Variants in MGAT3 observed in about 807,000 individuals in gnomAD.
The protein encoded by MGAT3 is beta-1,4-mannosyl-glycoprotein 4-beta-N-acetylglucosaminyltransferase.
A neutral mutation model predicts 29.8 loss-of-function variants in MGAT3; 9 were observed. The observed-to-expected ratio is 0.30, with a 90% CI of 0.18 to 0.53. The LOEUF (loss-of-function observed/expected upper bound fraction) is 0.53. MGAT3 is among the 20% of genes least tolerant of loss of function. MGAT3 has a pLI of 0.96. For missense variants in MGAT3, 557 were observed against 769.5 expected (o/e 0.72, Z 3.27); for synonymous variants, 397 against 348.9 (o/e 1.14, Z -1.54).
chr22:39,489,325 G>T lies in MGAT3; in HGVS notation c.*376G>T. ...GCAGCCTCTGGGGGGTGGCCAGGCC[G>T]GGAAAAAGCCCACCATTTGGCATCC... On this transcript the variant is annotated 3_prime_UTR_variant, in exon 2 of 2. Coordinates refer to ENST00000341184, the MANE Select transcript of MGAT3 (RefSeq NM_002409.5). 3.7e-6 allele frequency: 1 copy of T among 271,930 alleles called. No homozygotes were observed. The highest frequency in any genetic ancestry group is 7.5e-6 in the Non-Finnish European group (1 of 133,912). 16.8% of individuals were successfully genotyped at this position (271,930 alleles called of 1,614,324 possible).
chr22:39,475,128 C>CTT lies in MGAT3; in HGVS notation c.-1-12198_-1-12197dup, dbSNP rs58543840. On this transcript the variant is annotated intron_variant, in intron 1 of 1. Coordinates refer to ENST00000341184, the MANE Select transcript of MGAT3 (RefSeq NM_002409.5). The stretch of plus-strand genomic sequence containing the variant: ...TGAATTCACAGCAGGGCTTGCCAGG[C>CTT]TTTTTTTTTTTTTTTTTTTTTTAAC... 2.3e-3 allele frequency among the ~76,000 whole-genome samples: 279 copies of CTT among 118,762 alleles called. 6 individuals carry two copies. Among genetic ancestry groups the CTT allele is most frequent in the African/African-American group, 9.8e-3 (264 of 27,052 alleles). 77.9% of individuals were successfully genotyped at this position (118,762 alleles called of 152,430 possible).
At position 39,487,748 on chromosome 22, in the gene MGAT3, A is replaced by G; in HGVS notation, c.401A>G (p.Glu134Gly). The change falls in exon 2 of 2, where the codon GAG (glutamate) becomes GGG (glycine). Residue 134 changes from glutamate (E) to glycine (G), a missense_variant. This residue lies in a region of MGAT3 where 212 missense variants were observed against 228.5 expected (regional missense o/e 0.93). Transcript: ENST00000341184. The surrounding 1 kb of genome is among the most constrained non-coding windows in gnomAD (Gnocchi z 5.7). ...GAGAGGCCGCCCCCGGGACGGCCGG[A>G]GGAGAAGCCTGAGGGGGCCAACGGC... ...MLERPPPGRP[E>G]EKPEGANGSS... 6.5e-7 allele frequency: 1 copy of G among 1,532,712 alleles called. No individual in the cohort carries two copies. The highest frequency in any genetic ancestry group is 8.7e-7 in the Non-Finnish European group (1 of 1,142,900). The allele number at this position is 1,532,712 out of a possible 1,614,324, so 94.9% of individuals were successfully genotyped here.
chr22:39,470,856 G>A (rs1928789626), intron 1 of MGAT3, among the ~76,000 whole-genome samples: 1 of 152,194 alleles, frequency 6.6e-6, no homozygotes, highest in Admixed American at 6.5e-5. Context: ...TCACGGAGGA[G>A]GGTTTGGAAA....
chr22:39,469,078 T>G (rs550278820), intron 1 of MGAT3, among the ~76,000 whole-genome samples: 9 of 118,496 alleles, frequency 7.6e-5, no homozygotes, highest in Non-Finnish European at 1.4e-4. Flanking sequence ...TTGGGAGATT[T>G]GGGAAGTGCG....
At chr22:39,473,842 G>GATGAGGAGGGGGGATGT in intron 1 of MGAT3, among the ~76,000 whole-genome samples, 1 of 151,956 alleles carries the variant, frequency 6.6e-6, no homozygotes, top group Non-Finnish European at 1.5e-5. Context: ...AGGGGGGATG[G>GATGAGGAGGGGGGATGT]ATGAGGAGGG....
intron 1 of MGAT3, among the ~76,000 whole-genome samples, chr22:39,485,483 A>G (rs1341376414): frequency 6.6e-6 from 1 of 152,052 alleles, no homozygotes; most frequent in Admixed American, 6.6e-5. Context: ...TAATCTACAA[A>G]TATTCTAAAA....
chr22:39,472,421 A>C (rs1000928591), intron 1 of MGAT3, among the ~76,000 whole-genome samples: 1 of 152,106 alleles, frequency 6.6e-6, no homozygotes, highest in African/African-American at 2.4e-5. Context: ...TCCCACTGAG[A>C]ATGTCCAGTA....
At chr22:39,462,572 T>C (rs950483692) in intron 1 of MGAT3, among the ~76,000 whole-genome samples, 3 of 152,184 alleles carry the variant, frequency 2.0e-5, no homozygotes, top group East Asian at 1.9e-4. Flanking sequence ...GGAGGGGCTA[T>C]TGTCCCCACC....
chr22:39,457,255 C>A lies in MGAT3; in HGVS notation c.-304C>A. The A allele has an allele frequency of 6.9e-6, 1 of 145,130 alleles. No homozygotes were observed. The highest frequency in any genetic ancestry group is 1.9e-4 in the South Asian group (1 of 5,148). The allele number at this position is 145,130 out of a possible 1,614,324, so 9.0% of individuals were successfully genotyped here. On this transcript the variant is annotated 5_prime_UTR_variant, in exon 1 of 2. Coordinates refer to ENST00000341184, the MANE Select transcript of MGAT3 (RefSeq NM_002409.5). This position sits in a 1 kb window ranked among gnomAD's most constrained non-coding sequence, Gnocchi z 6.8. ...CTCGCCTCCGCGCCCCCCGCGCGCC[C>A]GCCGCGGTCCCTCCCCCGCGCCCGT... is the stretch of plus-strand genomic sequence containing the variant.
intron 1 of MGAT3, among the ~76,000 whole-genome samples, chr22:39,464,333 G>C (rs1297138876): frequency 6.6e-6 from 1 of 152,244 alleles, no homozygotes; most frequent in Non-Finnish European, 1.5e-5. Context: ...AGGGGCACAG[G>C]GAGAGCTGCA....
At chr22:39,485,754 A>T (rs897370264) in intron 1 of MGAT3, among the ~76,000 whole-genome samples, 1 of 152,324 alleles carries the variant, frequency 6.6e-6, no homozygotes. Context: ...GCACCACTGC[A>T]CTTCAGCCTG....
chr22:39,461,506 T>G (rs1928496741), intron 1 of MGAT3, among the ~76,000 whole-genome samples: 1 of 152,142 alleles, frequency 6.6e-6, no homozygotes, highest in Non-Finnish European at 1.5e-5. Context: ...GCCTTGGGGT[T>G]CTGCACAGAA....
chr22:39,465,986 C>T (rs1928634798), intron 1 of MGAT3, among the ~76,000 whole-genome samples: 1 of 151,650 alleles, frequency 6.6e-6, no homozygotes, highest in African/African-American at 2.4e-5. Flanking sequence ...ATGCGCACTG[C>T]CCGAAGGTGA....
chr22:39,483,215 C>T (rs1929177179), intron 1 of MGAT3, among the ~76,000 whole-genome samples: 1 of 152,186 alleles, frequency 6.6e-6, no homozygotes, highest in Admixed American at 6.5e-5. Context: ...CCCACTAAGG[C>T]TAGGCACAGT....
Position 39,489,141 on chromosome 22 carries a change from C to A in MGAT3, c.*192C>A. On this transcript the variant is annotated 3_prime_UTR_variant, in exon 2 of 2. Transcript: ENST00000341184. ...AGGCCTTTGAGCTCAGAAAATATCC[C>A]TCCTGTTGGGAGAGGGCGCAGGCCG... 1.2e-6 allele frequency: 1 copy of A among 809,252 alleles called. No homozygotes were observed. The highest frequency in any genetic ancestry group is 1.9e-6 in the Non-Finnish European group (1 of 515,904). 50.1% of individuals were successfully genotyped at this position (809,252 alleles called of 1,614,324 possible). A position where few individuals can be genotyped will look rare whatever the true frequency, so the allele number is the denominator to read the frequency against.
At chr22:39,467,380 C>A (rs1317203419) in intron 1 of MGAT3, among the ~76,000 whole-genome samples, 1 of 152,170 alleles carries the variant, frequency 6.6e-6, no homozygotes, top group African/African-American at 2.4e-5. Flanking sequence ...GCTTTGGGAT[C>A]CCCTCTGCGG....
chr22:39,486,373 G>C (rs1929273503), intron 1 of MGAT3: 1 of 244,416 alleles, frequency 4.1e-6, no homozygotes, highest in Non-Finnish European at 8.2e-6. Flanking sequence ...TCGAACTCCT[G>C]ACCTTGTGAT....
intron 1 of MGAT3, among the ~76,000 whole-genome samples, chr22:39,471,924 G>A (rs538794623): frequency 1.3e-5 from 2 of 152,128 alleles, no homozygotes; most frequent in Non-Finnish European, 2.9e-5. Context: ...GCTGGGCTGA[G>A]GGCAGCCCCC....
chr22:39,477,615 C>G (rs1482301337), intron 1 of MGAT3: 1 of 151,746 alleles, frequency 6.6e-6, no homozygotes, highest in Non-Finnish European at 1.5e-5. Context: ...ATGCAGAATG[C>G]TTTGACACCG....
Sources: allele counts gnomAD v4.1 joint callset (sites outside exome capture counted in the v4.1 genomes callset), GRCh38; gene constraint gnomAD v4.1.1; regional missense constraint gnomAD v4.1.1; non-coding constraint Gnocchi (gnomAD v3.1); transcripts MANE v1.5; gene names NCBI Gene and HGNC (gene_info 2026-07-23, HGNC 2026-07-21).